Variants in TRAPPC9 observed in about 807,000 individuals in gnomAD.
TRAPPC9 encodes IKK2 binding protein.
In TRAPPC9, 83 loss-of-function variants were observed where a neutral mutation model predicts 124.0. The ratio of observed to expected loss-of-function variants is 0.67; its 90% CI spans 0.56 to 0.80. The LOEUF is 0.80. Ranked by LOEUF, TRAPPC9 falls within the 30% of genes least tolerant of loss-of-function variation. The pLI is 0.00. For synonymous variants in TRAPPC9, 638 were observed against 617.5 expected (o/e 1.03, Z -0.49); for missense variants, 1,302 against 1,508.3 (o/e 0.86, Z 2.27).
intron 17 of TRAPPC9, among the ~76,000 whole-genome samples, chr8:140,043,631 G>A (rs1177830188): frequency 6.6e-6 from 1 of 152,126 alleles, no homozygotes; most frequent in Admixed American, 6.5e-5. Flanking sequence ...CTACAGCAGG[G>A]TCACCAGGGG....
At chr8:140,180,710 A>G (rs1478902693) in intron 17 of TRAPPC9, among the ~76,000 whole-genome samples, 1 of 148,352 alleles carries the variant, frequency 6.7e-6, no homozygotes, top group Non-Finnish European at 1.5e-5. Context: ...CAAGTGAAAG[A>G]TCAAATTCCA....
At chr8:139,772,035 A>G (rs1229291969) in intron 21 of TRAPPC9, among the ~76,000 whole-genome samples, 4 of 152,182 alleles carry the variant, frequency 2.6e-5, no homozygotes, top group Non-Finnish European at 5.9e-5. Flanking sequence ...CCTGGTGTGG[A>G]GGATGGATGG....
At chr8:140,307,331 C>A (rs1352011617) in intron 10 of TRAPPC9, among the ~76,000 whole-genome samples, 1 of 152,160 alleles carries the variant, frequency 6.6e-6, no homozygotes, top group East Asian at 1.9e-4. Context: ...CTGACTCCAG[C>A]CCTACCTGAA....
chr8:140,275,627 T>C (rs947787610), intron 15 of TRAPPC9, 31 bp downstream of exon 15: 1 of 1,610,594 alleles, frequency 6.2e-7, no homozygotes, highest in Non-Finnish European at 8.5e-7. Flanking sequence ...ATACAAACAT[T>C]CCCAGGGTCA....
At chr8:139,873,478 G>A (rs1367423466) in intron 21 of TRAPPC9, among the ~76,000 whole-genome samples, 1 of 152,128 alleles carries the variant, frequency 6.6e-6, no homozygotes, top group Non-Finnish European at 1.5e-5. Context: ...CCGGGGGTAA[G>A]CCAACTGCTC....
At position 139,742,752 on chromosome 8, in the gene TRAPPC9, TG is replaced by T. The variant is rs1818649654; in HGVS notation, c.3056-10551del. Among the ~76,000 whole-genome samples the T allele has an allele frequency of 6.6e-6, 1 of 151,894 alleles. No homozygotes were observed. The highest frequency in any genetic ancestry group is 2.4e-5 in the African/African-American group (1 of 41,414). The stretch of plus-strand genomic sequence containing the variant: ...TTTCAACTCTGATCTGCAGGCTGGG[TG>T]GGGGTAGGCAGCTGGCAGACACTCC... On this transcript the variant is annotated intron_variant, in intron 21 of 22. Transcript: ENST00000438773. This position sits in a 1 kb window ranked among gnomAD's most constrained non-coding sequence, Gnocchi z 4.7.
chr8:140,005,510 G>A (rs1007567268), intron 18 of TRAPPC9, among the ~76,000 whole-genome samples: 1 of 152,162 alleles, frequency 6.6e-6, no homozygotes, highest in Non-Finnish European at 1.5e-5. Flanking sequence ...AAACGAGCAG[G>A]TCTACTAGGG....
chr8:140,088,838 A>G (rs1338865856), intron 17 of TRAPPC9, among the ~76,000 whole-genome samples: 2 of 152,224 alleles, frequency 1.3e-5, no homozygotes, highest in Admixed American at 6.5e-5. Context: ...TTAAATTAAT[A>G]GTTTTATTTA....
At chr8:140,099,052 C>A (rs1232503620) in intron 17 of TRAPPC9, 1 of 152,026 alleles carries the variant, frequency 6.6e-6, no homozygotes, top group African/African-American at 2.4e-5. Flanking sequence ...CAGCGCTAGG[C>A]CATTCACAGG....
At chr8:140,240,261 G>T (rs986801323) in intron 16 of TRAPPC9, among the ~76,000 whole-genome samples, 3 of 15,074 alleles carry the variant, frequency 2.0e-4, no homozygotes, top group Admixed American at 1.0e-3. Context: ...ATTTTTCTAG[G>T]GGGGGACAGA....
intron 3 of TRAPPC9, among the ~76,000 whole-genome samples, chr8:140,437,433 G>A (rs1397774603): frequency 6.6e-6 from 1 of 152,052 alleles, no homozygotes; most frequent in African/African-American, 2.4e-5. Context: ...GAGCAGCTCG[G>A]CCAACATCGC....
chr8:139,972,740 C>A (rs1418882478), intron 19 of TRAPPC9, among the ~76,000 whole-genome samples: 1 of 152,198 alleles, frequency 6.6e-6, no homozygotes, highest in Non-Finnish European at 1.5e-5. Context: ...TCCCTGGGGT[C>A]ACAGAGAGAA....
intron 17 of TRAPPC9, among the ~76,000 whole-genome samples, chr8:140,155,684 T>C (rs1484253439): frequency 6.6e-6 from 1 of 151,386 alleles, no homozygotes; most frequent in Non-Finnish European, 1.5e-5. Flanking sequence ...TCTTTGGGTC[T>C]ATTGACATGG....
At chr8:140,247,817 A>G (rs2064024107) in intron 16 of TRAPPC9, among the ~76,000 whole-genome samples, 1 of 152,058 alleles carries the variant, frequency 6.6e-6, no homozygotes, top group South Asian at 2.1e-4. Context: ...GCAGGTATAT[A>G]TAACTCACTA....
At chr8:140,220,345 T>C (rs1408843793) in intron 17 of TRAPPC9, among the ~76,000 whole-genome samples, 1 of 152,176 alleles carries the variant, frequency 6.6e-6, no homozygotes, top group South Asian at 2.1e-4. Flanking sequence ...GCAGTTGCAC[T>C]CTGGGGCCTT....
At chr8:140,123,112 C>T (rs1044034812) in intron 17 of TRAPPC9, among the ~76,000 whole-genome samples, 1 of 152,120 alleles carries the variant, frequency 6.6e-6, no homozygotes, top group African/African-American at 2.4e-5. Flanking sequence ...CTTACTTACC[C>T]CTTTAAATCT....
intron 19 of TRAPPC9, among the ~76,000 whole-genome samples, chr8:139,966,410 C>T (rs2665932): frequency 0.7 from 107,193 of 152,170 alleles, 39,028 homozygotes; most frequent in East Asian, 0.98. Flanking sequence ...TCCCACAGGA[C>T]GCATGCTGCA....
intron 17 of TRAPPC9, among the ~76,000 whole-genome samples, chr8:140,094,120 G>A (rs2130235306): frequency 6.6e-6 from 1 of 152,198 alleles, no homozygotes; most frequent in South Asian, 2.1e-4. Context: ...TCACCCTGTG[G>A]ACTGACTCTC....
chr8:140,011,705 T>C (rs1321538052), intron 18 of TRAPPC9, among the ~76,000 whole-genome samples: 1 of 123,950 alleles, frequency 8.1e-6, no homozygotes, highest in Non-Finnish European at 1.7e-5. Context: ...TTTGACGGAG[T>C]CTTGCTCTGT....
Sources: gnomAD v4.1 joint callset for allele counts (sites outside exome capture counted in the v4.1 genomes callset) on GRCh38, gnomAD v4.1.1 for gene constraint, Gnocchi (gnomAD v3.1) non-coding constraint, MANE v1.5 for transcripts, NCBI Gene and HGNC (gene_info 2026-07-23, HGNC 2026-07-21) for gene names.